The following TBCEL variants were observed in gnomAD, a reference collection of about 807,000 sequenced individuals.
The protein encoded by TBCEL is tubulin-specific chaperone cofactor E-like protein.
Under a neutral mutation model 44.2 loss-of-function variants are expected in TBCEL, and 15 were observed. The observed-to-expected ratio is 0.34, with a 90% CI of 0.23 to 0.52. The LOEUF (loss-of-function observed/expected upper bound fraction) is 0.52. TBCEL is among the 20% of genes least tolerant of loss of function. The pLI is 0.95. For synonymous variants in TBCEL, 171 were observed against 185.4 expected, an observed-to-expected ratio of 0.92 and a Z score of 0.63; for missense variants, 319 against 506.3, an observed-to-expected ratio of 0.63 and a Z score of 3.55.
chr11:121,026,068 A>C (rs1173392982), intron 1 of TBCEL, among the ~76,000 whole-genome samples: 1 of 152,150 alleles, frequency 6.6e-6, no homozygotes, highest in African/African-American at 2.4e-5. Flanking sequence ...AACATCCCAA[A>C]TTCTTCTTAC....
chr11:121,077,748 A>C (rs572818080), intron 8 of TBCEL, among the ~76,000 whole-genome samples: 32 of 151,842 alleles, frequency 2.1e-4, no homozygotes, highest in Non-Finnish European at 4.4e-5. Context: ...TAATTCTATA[A>C]ATTTTCCTTT....
chr11:121,070,203 A>G (rs1945902860), intron 8 of TBCEL, among the ~76,000 whole-genome samples: 1 of 152,214 alleles, frequency 6.6e-6, no homozygotes, highest in South Asian at 2.1e-4. Flanking sequence ...TCAGGAAACA[A>G]CAGGTGCTGG....
In TBCEL at chr11:121,053,810, C is replaced by T. The variant is rs184341632; in HGVS notation, c.455+78C>T. Reference sequence around the variant, plus strand: ...ACATAGGAGTACTGCTGATCTCCCACGCAAGAAATACTAGAACTGCAGATT... The same window carrying T: ...ACATAGGAGTACTGCTGATCTCCCATGCAAGAAATACTAGAACTGCAGATT... On this transcript the variant is annotated intron_variant, in intron 5 of 8. Transcript: ENST00000683345. 809 of 1,405,940 alleles carry T rather than the reference C, an allele frequency of 5.8e-4. 2 individuals are homozygous for T. Among genetic ancestry groups the T allele is most frequent in the Admixed American group, 1.7e-3 (73 of 43,310 alleles). 87.1% of individuals were successfully genotyped at this position (1,405,940 alleles called of 1,614,324 possible).
At chr11:121,066,538 C>T (rs984253456) in intron 8 of TBCEL, among the ~76,000 whole-genome samples, 2 of 152,198 alleles carry the variant, frequency 1.3e-5, no homozygotes, top group African/African-American at 4.8e-5. Flanking sequence ...GTTGTTGATA[C>T]AAGTCCCCTG....
At chr11:121,066,951 T>A (rs1179948712) in intron 8 of TBCEL, among the ~76,000 whole-genome samples, 9 of 152,202 alleles carry the variant, frequency 5.9e-5, no homozygotes, top group Non-Finnish European at 1.0e-4. Context: ...GAAATTTTTT[T>A]AAAAATCAGT....
intron 1 of TBCEL, among the ~76,000 whole-genome samples, chr11:121,028,637 A>G: frequency 6.6e-6 from 1 of 152,250 alleles, no homozygotes; most frequent in East Asian, 1.9e-4. Context: ...CACAACACAT[A>G]ATAAACTTAC....
At chr11:121,035,756 A>G (rs1945220569) in intron 1 of TBCEL, 1 of 152,074 alleles carries the variant, frequency 6.6e-6, no homozygotes, top group Non-Finnish European at 1.5e-5. Context: ...TGCATATATG[A>G]TTTTCTTCTG....
chr11:121,040,486 A>G (rs958152515), intron 2 of TBCEL, among the ~76,000 whole-genome samples: 2 of 151,630 alleles, frequency 1.3e-5, no homozygotes, highest in Admixed American at 1.3e-4. Flanking sequence ...CCTTCATCTC[A>G]TTCCCTCTTC....
intron 2 of TBCEL, among the ~76,000 whole-genome samples, chr11:121,044,670 G>A (rs987981986): frequency 6.6e-6 from 1 of 152,060 alleles, no homozygotes; most frequent in Non-Finnish European, 1.5e-5. Context: ...TAAGTAATGA[G>A]TTATCAGGTT....
chr11:121,025,871 C>G (rs2134865605), intron 1 of TBCEL, among the ~76,000 whole-genome samples: 1 of 150,784 alleles, frequency 6.6e-6, no homozygotes, highest in East Asian at 2.0e-4. Flanking sequence ...TTGATGTTGC[C>G]TGATCATTTG....
At chr11:121,083,585 T>C (rs1946163745) in intron 8 of TBCEL, among the ~76,000 whole-genome samples, 1 of 152,250 alleles carries the variant, frequency 6.6e-6, no homozygotes, top group African/African-American at 2.4e-5. Flanking sequence ...TAGGTCATAA[T>C]TTTGTGTACA....
chr11:121,024,682 G>A (rs951186914), intron 1 of TBCEL, among the ~76,000 whole-genome samples: 1 of 152,174 alleles, frequency 6.6e-6, no homozygotes, highest in Non-Finnish European at 1.5e-5. Context: ...AGAGGGAGAC[G>A]TGTCTGGGAC....
chr11:121,072,704 A>C (rs1945958297), intron 8 of TBCEL, among the ~76,000 whole-genome samples: 1 of 152,060 alleles, frequency 6.6e-6, no homozygotes, highest in African/African-American at 2.4e-5. Context: ...TTGTTGAAAA[A>C]AACTTTAAAA....
At chr11:121,074,269 A>G (rs1945992824) in intron 8 of TBCEL, among the ~76,000 whole-genome samples, 1 of 152,064 alleles carries the variant, frequency 6.6e-6, no homozygotes, top group Admixed American at 6.6e-5. Context: ...TCCCATTTGT[A>G]TCCTTAGTAG....
Position 121,086,830 on chromosome 11 carries a change from G to C in TBCEL, c.1009G>C (p.Asp337His). 1 of 1,614,008 alleles carries C rather than the reference G, an allele frequency of 6.2e-7. No homozygotes were observed. The highest frequency in any genetic ancestry group is 8.5e-7 in the Non-Finnish European group (1 of 1,179,968). Residue 337 changes from aspartate to histidine, a missense_variant, in exon 9 of 9, where the codon GAC (aspartate) becomes CAC (histidine). By Grantham distance (81) the Asp-to-His change is moderately conservative. Coordinates refer to ENST00000683345, the MANE Select transcript of TBCEL (RefSeq NM_001363644.2). ...GAAGTTGGAGCCTTTGGCAGAAGTGGACCTAAGACCCCAGAGCAGTGCAAA... is the reference window on the plus strand; with the variant it reads ...GAAGTTGGAGCCTTTGGCAGAAGTGCACCTAAGACCCCAGAGCAGTGCAAA... ...YGKLEPLAEVDLRPQSSAKVE... is the reference protein window; with the variant it reads ...YGKLEPLAEVHLRPQSSAKVE...
chr11:121,090,237 A>C lies in TBCEL; in HGVS notation c.*3141A>C, dbSNP rs2135034659. On this transcript the variant is annotated 3_prime_UTR_variant, in exon 9 of 9. Coordinates refer to ENST00000683345, the MANE Select transcript of TBCEL (RefSeq NM_001363644.2). ...TTAAAGACAGGAAAATTCAGTTCTA[A>C]CCAGATGTTCCAGCTATGTTACTCA... 1 of 152,302 alleles carries C rather than the reference A, an allele frequency of 6.6e-6. No individual in the cohort carries two copies. The highest frequency in any genetic ancestry group is 2.4e-5 in the African/African-American group (1 of 41,578). 9.4% of individuals were successfully genotyped at this position (152,302 alleles called of 1,614,324 possible).
At chr11:121,042,607 T>G (rs1306793574) in intron 2 of TBCEL, among the ~76,000 whole-genome samples, 1 of 152,142 alleles carries the variant, frequency 6.6e-6, no homozygotes, top group African/African-American at 2.4e-5. Context: ...CCCTCTATTT[T>G]CAAGGTCACT....
intron 8 of TBCEL, among the ~76,000 whole-genome samples, chr11:121,069,652 C>T (rs1406457784): frequency 6.6e-6 from 1 of 151,962 alleles, no homozygotes; most frequent in Non-Finnish European, 1.5e-5. Flanking sequence ...ATTAGTCAGG[C>T]GTGGTGGTGC....
At chr11:121,041,825 G>A (rs528965624) in intron 2 of TBCEL, among the ~76,000 whole-genome samples, 9 of 150,578 alleles carry the variant, frequency 6.0e-5, no homozygotes, top group Admixed American at 1.3e-4. Flanking sequence ...ATGTATTAAT[G>A]TGTGCCCATC....
Sources: allele counts gnomAD v4.1 joint callset (sites outside exome capture counted in the v4.1 genomes callset), GRCh38; gene constraint gnomAD v4.1.1; transcripts MANE v1.5; gene names NCBI Gene and HGNC (gene_info 2026-07-23, HGNC 2026-07-21).